ST8SIA4: variants seen among roughly 807,000 people sequenced by gnomAD.
ST8SIA4 encodes ST8 alpha-N-acetyl-neuraminide alpha-2,8-sialyltransferase 4.
ST8SIA4 carries 15 observed loss-of-function variants against 33.9 expected under a neutral mutation model. That is an observed-to-expected ratio of 0.44 (90% CI 0.30 to 0.68). ST8SIA4 has a LOEUF of 0.68. Ranked by LOEUF, ST8SIA4 falls within the 30% of genes least tolerant of loss-of-function variation. The pLI is 0.10. For synonymous variants in ST8SIA4, 171 were observed against 151.2 expected, an observed-to-expected ratio of 1.13 and a Z score of -0.96; for missense variants, 321 against 428.0, an observed-to-expected ratio of 0.75 and a Z score of 2.21.
chr5:100,886,606 T>G lies in ST8SIA4; in HGVS notation c.246-6A>C. 1.2e-6 allele frequency: 2 copies of G among 1,609,610 alleles called. No individual in the cohort carries two copies. Among genetic ancestry groups the G allele is most frequent in the Non-Finnish European group, 1.7e-6 (2 of 1,176,302 alleles). On this transcript the variant is annotated splice_polypyrimidine_tract_variant and splice_region_variant and intron_variant, in intron 2 of 4. Transcript: ENST00000231461. ...AGAAACGAAGTATGTTCTTCCTGTA[T>G]TTGAAATACAAGCAAAGTTTTACAT...
chr5:100,839,048 A>G (rs1396612308), intron 4 of ST8SIA4, among the ~76,000 whole-genome samples: 1 of 151,858 alleles, frequency 6.6e-6, no homozygotes, highest in Non-Finnish European at 1.5e-5. Flanking sequence ...GCCTGATTTC[A>G]AACTCCTGGC....
At chr5:100,825,886 G>T (rs1219154617) in intron 4 of ST8SIA4, among the ~76,000 whole-genome samples, 1 of 152,080 alleles carries the variant, frequency 6.6e-6, no homozygotes, top group Non-Finnish European at 1.5e-5. Flanking sequence ...CAAATTGTCA[G>T]TAATGCTTAA....
rs1428411170 is a variant in ST8SIA4 at position 100,812,087 on chromosome 5, T to C, written c.840A>G (p.Thr280=). ...TNKVPIKRPS[T]GLLMYTLATR... The stretch of plus-strand genomic sequence containing the variant: ...TGGCAAGTGTATACATGAGAAGACC[T>C]GTGCTGGGTCTTTTGATAGGAACTT... Residue 280 remains threonine, a synonymous_variant, in exon 5 of 5, where the codon ACA becomes ACG. Coordinates refer to ENST00000231461, the MANE Select transcript of ST8SIA4 (RefSeq NM_005668.6). 3 of 1,613,452 alleles carry C rather than the reference T, an allele frequency of 1.9e-6. No individual in the cohort carries two copies. The highest frequency in any genetic ancestry group is 8.5e-7 in the Non-Finnish European group (1 of 1,179,824).
intron 1 of ST8SIA4, among the ~76,000 whole-genome samples, chr5:100,896,368 A>C (rs940308328): frequency 6.6e-6 from 1 of 152,104 alleles, no homozygotes; most frequent in African/African-American, 2.4e-5. Context: ...ATACCTTATA[A>C]TCGCACTTAT....
intron 4 of ST8SIA4, among the ~76,000 whole-genome samples, chr5:100,847,797 C>T (rs1205197808): frequency 6.6e-6 from 1 of 151,996 alleles, no homozygotes; most frequent in Non-Finnish European, 1.5e-5. Flanking sequence ...TTACATTTAG[C>T]TAGGAATTAT....
At chr5:100,843,704 A>G (rs917425006) in intron 4 of ST8SIA4, among the ~76,000 whole-genome samples, 3 of 151,940 alleles carry the variant, frequency 2.0e-5, no homozygotes, top group African/African-American at 7.2e-5. Flanking sequence ...ACCATGATCC[A>G]TCTGAATGAA....
At chr5:100,867,070 G>C (rs1297193812) in intron 3 of ST8SIA4, among the ~76,000 whole-genome samples, 1 of 151,936 alleles carries the variant, frequency 6.6e-6, no homozygotes, top group Admixed American at 6.6e-5. Context: ...ATAGATATTT[G>C]AATCATAAAT....
chr5:100,829,762 G>A (rs971725530), intron 4 of ST8SIA4, among the ~76,000 whole-genome samples: 5 of 152,086 alleles, frequency 3.3e-5, no homozygotes, highest in South Asian at 2.1e-4. Context: ...ACAAAAATTA[G>A]CCGGACGTGG....
intron 2 of ST8SIA4, among the ~76,000 whole-genome samples, chr5:100,888,168 G>C (rs1039024027): frequency 6.6e-6 from 1 of 150,772 alleles, no homozygotes; most frequent in African/African-American, 2.4e-5. Context: ...CTAACAAGAA[G>C]GGAAGAGTCC....
chr5:100,856,502 G>A, intron 3 of ST8SIA4, 106 bp from the exon 4 acceptor site: 2 of 1,167,282 alleles, frequency 1.7e-6, no homozygotes, highest in South Asian at 3.2e-5. Context: ...TTTTAACCAT[G>A]TGAAAAGAAA....
chr5:100,833,686 T>C (rs1033261323), intron 4 of ST8SIA4, among the ~76,000 whole-genome samples: 1 of 152,186 alleles, frequency 6.6e-6, no homozygotes, highest in African/African-American at 2.4e-5. Context: ...TAACTAATAT[T>C]ATACAACAAA....
intron 4 of ST8SIA4, among the ~76,000 whole-genome samples, chr5:100,825,433 GC>G (rs1455971097): frequency 6.6e-6 from 1 of 152,158 alleles, no homozygotes; most frequent in Admixed American, 6.5e-5. Context: ...ATTAGTGTCT[GC>G]CTAGGATAGT....
chr5:100,822,402 AC>A (rs1429065630), intron 4 of ST8SIA4, among the ~76,000 whole-genome samples: 2 of 152,238 alleles, frequency 1.3e-5, no homozygotes, highest in African/African-American at 4.8e-5. Context: ...CAACTTCGGT[AC>A]AGTGAAAAAT....
chr5:100,876,626 A>C (rs929597896), intron 3 of ST8SIA4, among the ~76,000 whole-genome samples: 4 of 152,084 alleles, frequency 2.6e-5, no homozygotes, highest in African/African-American at 9.7e-5. Flanking sequence ...TCGTAAAAAT[A>C]CTAGGCATTT....
chr5:100,812,439 T>A (rs189045839), intron 4 of ST8SIA4, among the ~76,000 whole-genome samples: 27 of 152,106 alleles, frequency 1.8e-4, no homozygotes, highest in Middle Eastern at 3.4e-3. Flanking sequence ...ACATGCAGAG[T>A]AAAATTTTCT....
rs748368605 is a variant in ST8SIA4, at chr5:100,808,201, T to A, written c.*3646A>T. The A allele has an allele frequency of 2.6e-5, 4 of 152,660 alleles. No individual in the cohort carries two copies. The highest frequency in any genetic ancestry group is 4.4e-5 in the Non-Finnish European group (3 of 68,022). 9.5% of individuals were successfully genotyped at this position (152,660 alleles called of 1,614,324 possible). On this transcript the variant is annotated 3_prime_UTR_variant, in exon 5 of 5. Transcript: ENST00000231461. The stretch of plus-strand genomic sequence containing the variant: ...ATCCTTTTTCTGTATAGTAGCTGAA[T>A]AACTAATTGGTATGTACACTACCCC...
intron 3 of ST8SIA4, among the ~76,000 whole-genome samples, chr5:100,856,814 C>T (rs1380317260): frequency 6.6e-6 from 1 of 152,160 alleles, no homozygotes; most frequent in Non-Finnish European, 1.5e-5. Flanking sequence ...TTCTAATCTG[C>T]ACCACTTGTA....
Position 100,850,803 on chromosome 5 carries a change from T to C in ST8SIA4, c.797+5300A>G, listed in dbSNP as rs201367287. ...GATGTGTATATATATATATATAACA[T>C]GTGTGTGTATATATATGTATAAACA... On this transcript the variant is annotated intron_variant, in intron 4 of 4. Coordinates refer to ENST00000231461, the MANE Select transcript of ST8SIA4 (RefSeq NM_005668.6). 7.6e-4 allele frequency among the ~76,000 whole-genome samples: 26 copies of C among 34,098 alleles called. No individual in the cohort carries two copies. The East Asian group carries it at 0.011, about 15-fold the overall frequency. The allele number at this position is 34,098 out of a possible 152,430, so 22.4% of individuals were successfully genotyped here. A position where few individuals can be genotyped will look rare whatever the true frequency, so the allele number is the denominator to read the frequency against.
chr5:100,860,416 G>T (rs1751910943), intron 3 of ST8SIA4, among the ~76,000 whole-genome samples: 1 of 151,994 alleles, frequency 6.6e-6, no homozygotes, highest in South Asian at 2.1e-4. Context: ...CTCCCATCTT[G>T]TTTCTCAGCT....
Sources: gnomAD v4.1 joint callset for allele counts (sites outside exome capture counted in the v4.1 genomes callset) on GRCh38, gnomAD v4.1.1 for gene constraint, MANE v1.5 for transcripts, NCBI Gene and HGNC (gene_info 2026-07-23, HGNC 2026-07-21) for gene names.